The following AAK1 variants were observed in gnomAD, a reference collection of about 807,000 sequenced individuals.
AAK1 encodes the protein AP2-associated protein kinase 1.
A neutral mutation model predicts 116.0 loss-of-function variants in AAK1; 37 were observed. The observed-to-expected ratio is 0.32, with a 90% CI of 0.25 to 0.42. The LOEUF (loss-of-function observed/expected upper bound fraction) is 0.42. Among genes scored for constraint, AAK1 ranks in the 10% least tolerant of loss-of-function variants. AAK1 has a pLI of 1.00. For missense variants in AAK1, 919 were observed against 1,170.6 expected (o/e 0.79, Z 3.14); for synonymous variants, 458 against 439.9 (o/e 1.04, Z -0.51).
At chr2:69,562,782 C>T (rs1166368260) in intron 2 of AAK1, among the ~76,000 whole-genome samples, 1 of 152,136 alleles carries the variant, frequency 6.6e-6, no homozygotes, top group Non-Finnish European at 1.5e-5. Flanking sequence ...CCCAGCTACT[C>T]GGAAGCCTGA....
In AAK1 at chr2:69,559,274, A is replaced by T. The variant is rs908649803; in HGVS notation, c.164-2296T>A. 1.4e-3 allele frequency among the ~76,000 whole-genome samples: 180 copies of T among 125,860 alleles called. 2 individuals are homozygous for T. The highest frequency in any genetic ancestry group is 5.4e-3 in the African/African-American group (174 of 32,118). 82.6% of individuals were successfully genotyped at this position (125,860 alleles called of 152,430 possible). On this transcript the variant is annotated intron_variant, in intron 2 of 21. Transcript: ENST00000409085. ...ATCTCTCTCTCTCTCACACACACAC[A>T]CACACACACACACACACACACACAC...
At chr2:69,592,116 G>A (rs756471946) in intron 2 of AAK1, among the ~76,000 whole-genome samples, 67 of 152,214 alleles carry the variant, frequency 4.4e-4, no homozygotes, top group African/African-American at 1.4e-3. Context: ...AAGGAAGACC[G>A]CTCCAAATTC....
At chr2:69,516,314 G>GA (rs1271426999) in intron 12 of AAK1, among the ~76,000 whole-genome samples, 3,087 of 114,822 alleles carry the variant, frequency 0.027, 87 homozygotes, top group African/African-American at 0.079. Flanking sequence ...AAGATTTCCA[G>GA]AAAAAAAAAA....
rs2105182082 is a variant in AAK1 at position 69,596,129 on chromosome 2, A to G, written c.164-39151T>C. On this transcript the variant is annotated intron_variant, in intron 2 of 21. Transcript: ENST00000409085. ...TTGACAATGCACCTAGTCATCCAAG[A>G]GCTCTGACGGAGATGCACAAGGAGA... is the stretch of plus-strand genomic sequence containing the variant. Among the ~76,000 whole-genome samples, 5 of 152,284 alleles carry G rather than the reference A, an allele frequency of 3.3e-5. No individual in the cohort carries two copies. The Middle Eastern group carries it at 0.014, about 414-fold the overall frequency.
chr2:69,474,181 A>C lies in AAK1; in HGVS notation c.*1688T>G. ...TGTTTTATAGGCTGTTGTTGCTGTT[A>C]AACTTTTTTCCCCCATAAAGTGCAA... On this transcript the variant is annotated 3_prime_UTR_variant, in exon 22 of 22. Transcript: ENST00000409085. 1 of 985,880 alleles carries C rather than the reference A, an allele frequency of 1.0e-6. No individual in the cohort carries two copies. The highest frequency in any genetic ancestry group is 1.2e-6 in the Non-Finnish European group (1 of 829,934). 61.1% of individuals were successfully genotyped at this position (985,880 alleles called of 1,614,324 possible). A position where few individuals can be genotyped will look rare whatever the true frequency, so the allele number is the denominator to read the frequency against.
intron 2 of AAK1, among the ~76,000 whole-genome samples, chr2:69,633,579 G>A (rs1468760137): frequency 3.5e-5 from 5 of 143,822 alleles, no homozygotes; most frequent in Non-Finnish European, 6.0e-5. Context: ...CCAGCCTGGC[G>A]ACAGAATGAG....
At chr2:69,587,468 T>C (rs1672838145) in intron 2 of AAK1, among the ~76,000 whole-genome samples, 1 of 146,342 alleles carries the variant, frequency 6.8e-6, no homozygotes, top group African/African-American at 2.6e-5. Flanking sequence ...TGTGTATATA[T>C]ATATATATAT....
Position 69,556,991 on chromosome 2 carries a change from C to T in AAK1, c.164-13G>A. The T allele has an allele frequency of 6.3e-7, 1 of 1,587,254 alleles. No homozygotes were observed. The highest frequency in any genetic ancestry group is 8.7e-7 in the Non-Finnish European group (1 of 1,155,868). ...ATAGCAAATCCACCTGTGAGAGAAA[C>T]ACACACAAGCTCTTTTGAGTCAATG... On this transcript the variant is annotated splice_polypyrimidine_tract_variant and intron_variant, in intron 2 of 21. Transcript: ENST00000409085.
At chr2:69,594,012 CA>C (rs1673152834) in intron 2 of AAK1, among the ~76,000 whole-genome samples, 1 of 152,170 alleles carries the variant, frequency 6.6e-6, no homozygotes, top group Non-Finnish European at 1.5e-5. Flanking sequence ...AACAGTAAAT[CA>C]AAAGTATAAG....
At chr2:69,640,053 A>ACTCTCT (rs1177010194) in intron 2 of AAK1, among the ~76,000 whole-genome samples, 52 of 92,774 alleles carry the variant, frequency 5.6e-4, no homozygotes, top group South Asian at 2.4e-3. Context: ...ACACACACAC[A>ACTCTCT]CTCTCTCTCT....
At chr2:69,565,811 C>T (rs1671840490) in intron 2 of AAK1, among the ~76,000 whole-genome samples, 1 of 150,940 alleles carries the variant, frequency 6.6e-6, no homozygotes, top group Non-Finnish European at 1.5e-5. Context: ...GTCCTCTCCA[C>T]AGTTAGAACC....
chr2:69,467,809 G>A lies in AAK1; in HGVS notation c.*8060C>T. On this transcript the variant is annotated 3_prime_UTR_variant, in exon 22 of 22. Coordinates refer to ENST00000409085, the MANE Select transcript of AAK1 (RefSeq NM_014911.5). ...AAGAGGCATTAAAATCAGTTTATTGGGAAACCAGTCACTTAGAGACATTAC... is the reference window on the plus strand; with the variant it reads ...AAGAGGCATTAAAATCAGTTTATTGAGAAACCAGTCACTTAGAGACATTAC... The A allele has an allele frequency of 1.0e-6, 1 of 985,404 alleles. No individual in the cohort carries two copies. The highest frequency in any genetic ancestry group is 1.2e-6 in the Non-Finnish European group (1 of 829,926). The allele number at this position is 985,404 out of a possible 1,614,324, so 61.0% of individuals were successfully genotyped here. A position where few individuals can be genotyped will look rare whatever the true frequency, so the allele number is the denominator to read the frequency against.
chr2:69,551,236 C>T (rs1025972170), intron 3 of AAK1, among the ~76,000 whole-genome samples: 18 of 151,926 alleles, frequency 1.2e-4, no homozygotes, highest in African/African-American at 3.6e-4. Flanking sequence ...ACACTGGGGC[C>T]GGTGGGGGTG....
chr2:69,491,384 G>A (rs1380814334), intron 17 of AAK1, among the ~76,000 whole-genome samples: 1 of 152,158 alleles, frequency 6.6e-6, no homozygotes, highest in East Asian at 1.9e-4. Flanking sequence ...TCATTTGGCA[G>A]CTTTGTAAGC....
At chr2:69,493,158 C>CAAAAAGAAAAAAAAAAAAAA (rs1675603472) in intron 17 of AAK1, among the ~76,000 whole-genome samples, 1 of 37,566 alleles carries the variant, frequency 2.7e-5, no homozygotes, top group Non-Finnish European at 6.5e-5. Flanking sequence ...GACTCCGTCT[C>CAAAAAGAAAAAAAAAAAAAA]AAAAAAAAAA....
At chr2:69,643,369 G>C in intron 1 of AAK1, 95 bp from the exon 2 acceptor site, 1 of 1,195,978 alleles carries the variant, frequency 8.4e-7, no homozygotes, top group South Asian at 4.0e-5. Flanking sequence ...ATCATCCTGG[G>C]GAAACGCTTC....
rs1037624486 is a variant in AAK1 at position 69,459,993 on chromosome 2, A to T, written c.*15876T>A. Reference sequence around the variant, plus strand: ...AGTTTCCAATTCCTCGTTTAGGTGGAGTTGGAACATTAGAACTCAGGGGTG... The same window carrying T: ...AGTTTCCAATTCCTCGTTTAGGTGGTGTTGGAACATTAGAACTCAGGGGTG... On this transcript the variant is annotated 3_prime_UTR_variant, in exon 22 of 22. Transcript: ENST00000409085. The T allele has an allele frequency of 3.3e-5, 5 of 152,200 alleles. No homozygotes were observed. The highest frequency in any genetic ancestry group is 1.2e-4 in the African/African-American group (5 of 41,450). The allele number at this position is 152,200 out of a possible 1,614,324, so 9.4% of individuals were successfully genotyped here. A position where few individuals can be genotyped will look rare whatever the true frequency, so the allele number is the denominator to read the frequency against.
At chr2:69,586,040 C>G (rs1380339209) in intron 2 of AAK1, among the ~76,000 whole-genome samples, 1 of 152,076 alleles carries the variant, frequency 6.6e-6, no homozygotes. Flanking sequence ...CGTCACTGCC[C>G]CAAGGGGTCT....
chr2:69,532,599 C>G (rs919017009), intron 5 of AAK1, among the ~76,000 whole-genome samples: 1 of 151,946 alleles, frequency 6.6e-6, no homozygotes, highest in Admixed American at 6.6e-5. Flanking sequence ...CTTTTTGAAA[C>G]TTTCAGGCTC....
Sources: gnomAD v4.1 joint callset for allele counts (sites outside exome capture counted in the v4.1 genomes callset) on GRCh38, gnomAD v4.1.1 for gene constraint, MANE v1.5 for transcripts, NCBI Gene and HGNC (gene_info 2026-07-23, HGNC 2026-07-21) for gene names.